Variants in SYNDIG1 observed in about 807,000 individuals in gnomAD.
The protein encoded by SYNDIG1 is synapse differentiation-inducing gene protein 1.
Under a neutral mutation model 19.4 loss-of-function variants are expected in SYNDIG1, and 9 were observed. The ratio of observed to expected loss-of-function variants is 0.46; its 90% CI spans 0.28 to 0.81. The LOEUF (loss-of-function observed/expected upper bound fraction) is 0.81, where lower values mean the gene tolerates loss of function less well. Among genes scored for constraint, SYNDIG1 ranks in the 30% least tolerant of loss-of-function variants. SYNDIG1 has a pLI of 0.12. For missense variants in SYNDIG1, 311 were observed against 343.3 expected (o/e 0.91, Z 0.74); for synonymous variants, 141 against 145.9 (o/e 0.97, Z 0.24).
intron 3 of SYNDIG1, among the ~76,000 whole-genome samples, chr20:24,593,763 GA>G (rs1272378945): frequency 1.3e-5 from 2 of 151,926 alleles, no homozygotes; most frequent in Non-Finnish European, 2.9e-5. Flanking sequence ...TTGTGGTTTT[GA>G]TTTGCATTTC....
intron 1 of SYNDIG1, among the ~76,000 whole-genome samples, chr20:24,498,450 T>G (rs1024072838): frequency 6.6e-6 from 1 of 152,254 alleles, no homozygotes; most frequent in Non-Finnish European, 1.5e-5. Flanking sequence ...AGTAGCTTGC[T>G]AGGACTTTGT....
At chr20:24,512,695 C>CG (rs2056776327) in intron 1 of SYNDIG1, among the ~76,000 whole-genome samples, 1 of 152,122 alleles carries the variant, frequency 6.6e-6, no homozygotes, top group Admixed American at 6.5e-5. Context: ...ACTCCACCTC[C>CG]GGGGGCAGGG....
chr20:24,531,151 G>T (rs2057250850), intron 1 of SYNDIG1, among the ~76,000 whole-genome samples: 1 of 152,002 alleles, frequency 6.6e-6, no homozygotes, highest in Admixed American at 6.6e-5. Flanking sequence ...ATAGGTAGCT[G>T]ACTTCATTCT....
At chr20:24,594,426 G>T (rs116446355) in intron 3 of SYNDIG1, among the ~76,000 whole-genome samples, 4,605 of 151,974 alleles carry the variant, frequency 0.03, 144 homozygotes, top group African/African-American at 0.083. Flanking sequence ...TGGTTATTGT[G>T]GCCTTCTAAC....
chr20:24,507,790 A>G (rs1852089105), intron 1 of SYNDIG1, among the ~76,000 whole-genome samples: 1 of 152,216 alleles, frequency 6.6e-6, no homozygotes, highest in African/African-American at 2.4e-5. Context: ...TCCTGCGGCC[A>G]TCTGTTTCCT....
intron 1 of SYNDIG1, among the ~76,000 whole-genome samples, chr20:24,537,346 C>G (rs6049765): frequency 0.72 from 109,502 of 151,994 alleles, 39,653 homozygotes; most frequent in African/African-American, 0.79. Context: ...AGCCAGTCTT[C>G]TTTTCTCAGT....
At chr20:24,563,563 A>G (rs902842885) in intron 2 of SYNDIG1, among the ~76,000 whole-genome samples, 9 of 152,106 alleles carry the variant, frequency 5.9e-5, no homozygotes, top group African/African-American at 2.2e-4. Context: ...TTGTTTTCCC[A>G]CACAGGGTTA....
intron 1 of SYNDIG1, among the ~76,000 whole-genome samples, chr20:24,490,570 G>A (rs974250686): frequency 3.9e-5 from 6 of 152,154 alleles, no homozygotes; most frequent in Admixed American, 2.6e-4. Flanking sequence ...TCTGTGCCTC[G>A]GTTTCCTTAT....
At chr20:24,573,311 T>A (rs559713888) in intron 2 of SYNDIG1, among the ~76,000 whole-genome samples, 7 of 152,280 alleles carry the variant, frequency 4.6e-5, no homozygotes, top group Admixed American at 3.3e-4. Context: ...TGATGTGGGA[T>A]GAGCTCGGTT....
At chr20:24,507,791 T>C (rs1365806376) in intron 1 of SYNDIG1, among the ~76,000 whole-genome samples, 1 of 152,234 alleles carries the variant, frequency 6.6e-6, no homozygotes, top group Non-Finnish European at 1.5e-5. Flanking sequence ...CCTGCGGCCA[T>C]CTGTTTCCTC....
chr20:24,559,423 C>T (rs2057892276), intron 2 of SYNDIG1, among the ~76,000 whole-genome samples: 1 of 152,140 alleles, frequency 6.6e-6, no homozygotes, highest in Admixed American at 6.5e-5. Context: ...CATAAAAGTG[C>T]ACATGTACTC....
chr20:24,499,225 A>T (rs918340091), intron 1 of SYNDIG1, among the ~76,000 whole-genome samples: 3 of 152,178 alleles, frequency 2.0e-5, no homozygotes, highest in Non-Finnish European at 4.4e-5. Context: ...GGGTTTCACC[A>T]TGTTGGCCAG....
intron 3 of SYNDIG1, among the ~76,000 whole-genome samples, chr20:24,659,740 C>T (rs939454695): frequency 3.3e-5 from 5 of 152,182 alleles, no homozygotes; most frequent in East Asian, 3.8e-4. Flanking sequence ...GCCTTGTCAA[C>T]GTAATTACGT....
intron 1 of SYNDIG1, among the ~76,000 whole-genome samples, chr20:24,503,307 A>C (rs2146396696): frequency 6.6e-6 from 1 of 152,318 alleles, no homozygotes; most frequent in South Asian, 2.1e-4. Context: ...CAGCTAACTA[A>C]ATGCACAGAT....
At chr20:24,584,204 C>T (rs987853153) in intron 2 of SYNDIG1, among the ~76,000 whole-genome samples, 1 of 152,180 alleles carries the variant, frequency 6.6e-6, no homozygotes, top group Non-Finnish European at 1.5e-5. Flanking sequence ...CCATCCTCTG[C>T]TCCTCAGGAA....
At chr20:24,612,885 T>G (rs1204788000) in intron 3 of SYNDIG1, among the ~76,000 whole-genome samples, 1 of 152,196 alleles carries the variant, frequency 6.6e-6, no homozygotes, top group Non-Finnish European at 1.5e-5. Flanking sequence ...TGTGCCCATC[T>G]CAACCACAGG....
intron 3 of SYNDIG1, among the ~76,000 whole-genome samples, chr20:24,623,794 T>C (rs904468294): frequency 6.6e-6 from 1 of 152,088 alleles, no homozygotes. Flanking sequence ...GTAGAGGAGA[T>C]TAAATGGAAT....
chr20:24,553,824 G>GT (rs551068373), intron 2 of SYNDIG1, among the ~76,000 whole-genome samples: 3 of 152,258 alleles, frequency 2.0e-5, no homozygotes, highest in East Asian at 1.9e-4. Context: ...CTTTAAAGTA[G>GT]TTTTTTTCCA....
Position 24,533,859 on chromosome 20 carries a change from G to A in SYNDIG1, c.-78-9161G>A, listed in dbSNP as rs192975494. Among the ~76,000 whole-genome samples, 373 of 152,286 alleles carry A rather than the reference G, an allele frequency of 2.4e-3. 1 individual carries two copies. Among genetic ancestry groups the A allele is most frequent in the African/African-American group, 8.3e-3 (344 of 41,560 alleles). ...GGGCACCCACGGATTCAGCCCCTGT[G>A]TTAGTCCATTTTGCATGGCTATAAA... On this transcript the variant is annotated intron_variant, in intron 1 of 3. Transcript: ENST00000376862.
Sources: gnomAD v4.1 joint callset for allele counts (sites outside exome capture counted in the v4.1 genomes callset) on GRCh38, gnomAD v4.1.1 for gene constraint, MANE v1.5 for transcripts, NCBI Gene and HGNC (gene_info 2026-07-23, HGNC 2026-07-21) for gene names.